The following UPF3B variants were observed in gnomAD, a reference collection of about 807,000 sequenced individuals.
The protein encoded by UPF3B is regulator of nonsense transcripts 3B.
UPF3B carries 7 observed loss-of-function variants against 40.3 expected under a neutral mutation model. The ratio of observed to expected loss-of-function variants is 0.17; its 90% confidence interval spans 0.10 to 0.33. The LOEUF (loss-of-function observed/expected upper bound fraction) is 0.33. Ranked by LOEUF, UPF3B falls within the 10% of genes least tolerant of loss-of-function variation. The pLI, the probability that UPF3B is intolerant of heterozygous loss-of-function variation, is 1.00. For synonymous variants in UPF3B, 117 were observed against 117.3 expected, an observed-to-expected ratio of 1.00 and a Z score of 0.01; for missense variants, 229 against 358.9, an observed-to-expected ratio of 0.64 and a Z score of 2.93.
At chrX:119,812,252 T>TA (rs1192502720) in intron 5 of UPF3B, among the ~76,000 whole-genome samples, 19 of 102,023 alleles carry the variant, frequency 1.9e-4, no homozygotes, top group East Asian at 6.3e-4. Context: ...GACTCTGTCT[T>TA]AAAAAAAAAA....
Position 119,845,354 on chromosome X carries a change from T to C in UPF3B, c.371-58A>G, listed in dbSNP as rs144163112. 4.2e-3 allele frequency: 4,129 copies of C among 989,369 alleles called. 106 individuals are homozygous for C. In the African/African-American group the frequency reaches 0.068, roughly 16 times the overall value. The allele number at this position is 989,369 out of a possible 1,213,427, so 81.5% of individuals were successfully genotyped here. A position where few individuals can be genotyped will look rare whatever the true frequency, so the allele number is the denominator to read the frequency against. ...ACAAAGAAAATGTCAAAAGTGGATA[T>C]AAGGGAATCAACCCATTGCTTTCTA... is the stretch of plus-strand genomic sequence containing the variant. On this transcript the variant is annotated intron_variant, in intron 3 of 10. Transcript: ENST00000276201.
In UPF3B at chrX:119,822,326, A is replaced by G. The variant is rs781575975; in HGVS notation, c.494+616T>C. On this transcript the variant is annotated intron_variant, in intron 4 of 6. Transcript: ENST00000636792. ...TAGATGGGAATAAAGCTTCAAAGCG[A>G]CTCTGCTCCACCAAAATTTAGAAAT... Among the ~76,000 whole-genome samples, 7 of 111,899 alleles carry G rather than the reference A, an allele frequency of 6.3e-5. No homozygotes were observed. The East Asian group carries it at 2.0e-3, about 31-fold the overall frequency.
At chrX:119,817,408 T>G (rs1462525891) in intron 4 of UPF3B, among the ~76,000 whole-genome samples, 3 of 111,816 alleles carry the variant, frequency 2.7e-5, no homozygotes, top group African/African-American at 9.7e-5. Context: ...CTGCCTTGTT[T>G]AAAACCATCA....
intron 9 of UPF3B, 69 bp downstream of exon 9, chrX:119,838,298 A>C: frequency 8.8e-7 from 1 of 1,130,561 alleles, no homozygotes; most frequent in East Asian, 3.0e-5. Context: ...ATTCAGGTAC[A>C]TGTCCAGGAC....
Position 119,824,891 on chromosome X carries a change from C to T in UPF3B, c.393-1848G>A, listed in dbSNP as rs1002128210. On this transcript the variant is annotated intron_variant, in intron 3 of 6. Coordinates refer to the UPF3B transcript ENST00000636792. ...CAGCAATTCTCCTGCCTCAGCCTCTCGAGTAGCTGGGACTACAGGTGTGCA... is the reference window on the plus strand; with the variant it reads ...CAGCAATTCTCCTGCCTCAGCCTCTTGAGTAGCTGGGACTACAGGTGTGCA... 6.5e-5 allele frequency among the ~76,000 whole-genome samples: 7 copies of T among 107,633 alleles called. 1 individual carries two copies. The highest frequency in any genetic ancestry group is 5.1e-4 in the Admixed American group (5 of 9,837). The allele number at this position is 107,633 out of a possible 115,157, so 93.5% of individuals were successfully genotyped here.
Position 119,834,496 on chromosome X carries a change from C to A in UPF3B, c.*382G>T. The A allele has an allele frequency of 1.1e-6, 1 of 878,885 alleles. No homozygotes were observed. The highest frequency in any genetic ancestry group is 3.4e-5 in the South Asian group (1 of 29,740). The allele number at this position is 878,885 out of a possible 1,213,427, so 72.4% of individuals were successfully genotyped here. On this transcript the variant is annotated 3_prime_UTR_variant, in exon 11 of 11. Coordinates refer to ENST00000276201, the MANE Select transcript of UPF3B (RefSeq NM_080632.3). ...AAGGCTTCAAAGCGACTCTGCTCCACCCAAATTCAGAAAATTCAATTCAGG... is the reference window on the plus strand; with the variant it reads ...AAGGCTTCAAAGCGACTCTGCTCCAACCAAATTCAGAAAATTCAATTCAGG...
intron 10 of UPF3B, among the ~76,000 whole-genome samples, chrX:119,837,100 C>T (rs2056104428): frequency 9.3e-6 from 1 of 107,495 alleles, no homozygotes; most frequent in African/African-American, 3.4e-5. Context: ...TGCGCCACCA[C>T]ATCCAGCCGA....
chrX:119,842,846 T>C (rs924996198), intron 5 of UPF3B, among the ~76,000 whole-genome samples: 2 of 111,579 alleles, frequency 1.8e-5, no homozygotes, highest in African/African-American at 6.5e-5. Flanking sequence ...ACTAATTTCA[T>C]TTTTTCGTAT....
At chrX:119,846,970 T>C (rs192029784) in intron 3 of UPF3B, among the ~76,000 whole-genome samples, 56 of 112,510 alleles carry the variant, frequency 5.0e-4, no homozygotes, top group African/African-American at 1.7e-3. Flanking sequence ...GTCAAAAGAC[T>C]TGAATAGACA....
Position 119,810,707 on chromosome X carries a change from TGA to T in UPF3B, c.603-3128_603-3127del, listed in dbSNP as rs758411057. ...ACGCCTCTCATCAAACGGGAAATTT[TGA>T]GAGAGTTTCAATGGGAAACCAGTAG... On this transcript the variant is annotated intron_variant, in intron 5 of 6. Transcript: ENST00000636792. Among the ~76,000 whole-genome samples the T allele has an allele frequency of 6.3e-5, 7 of 111,731 alleles. No homozygotes were observed. In the South Asian group the frequency reaches 1.1e-3, roughly 18 times the overall value.
intron 1 of UPF3B, among the ~76,000 whole-genome samples, chrX:119,852,379 C>G (rs966340687): frequency 8.9e-6 from 1 of 112,175 alleles, no homozygotes; most frequent in South Asian, 3.6e-4. Flanking sequence ...CCCTCCTGTA[C>G]CATTAATCAC....
At chrX:119,836,347 T>C (rs2056091545) in intron 10 of UPF3B, among the ~76,000 whole-genome samples, 1 of 111,298 alleles carries the variant, frequency 9.0e-6, no homozygotes, top group South Asian at 3.8e-4. Flanking sequence ...AGAGCGAGAC[T>C]CCATCGCAAA....
intron 3 of UPF3B, among the ~76,000 whole-genome samples, chrX:119,823,844 A>G (rs1039705481): frequency 9.0e-6 from 1 of 111,661 alleles, no homozygotes; most frequent in Admixed American, 9.6e-5. Flanking sequence ...GATTATAGGC[A>G]TGAGCCACCA....
chrX:119,848,385 G>A (rs974961853), intron 3 of UPF3B, among the ~76,000 whole-genome samples: 1 of 108,818 alleles, frequency 9.2e-6, no homozygotes, highest in African/African-American at 3.4e-5. Context: ...GACAGACACT[G>A]TATGTTTCCA....
intron 9 of UPF3B, 138 bp downstream of exon 9, chrX:119,838,229 A>T: frequency 2.2e-6 from 2 of 914,550 alleles, no homozygotes; most frequent in Non-Finnish European, 3.1e-6. Flanking sequence ...TTAAGATACA[A>T]GAATATTCTG....
chrX:119,830,122 A>G (rs1467988722), downstream of UPF3B, among the ~76,000 whole-genome samples: 1 of 111,915 alleles, frequency 8.9e-6, no homozygotes, highest in African/African-American at 3.2e-5. Context: ...TAGAAAGTAA[A>G]GGCAAAGTGA....
chrX:119,848,281 CAA>C (rs144679153), intron 3 of UPF3B, among the ~76,000 whole-genome samples: 1 of 23,935 alleles, frequency 4.2e-5, no homozygotes, highest in Non-Finnish European at 8.1e-5. Context: ...GACTCCATCT[CAA>C]AAAAAAAAAA....
intron 4 of UPF3B, among the ~76,000 whole-genome samples, chrX:119,843,753 T>C (rs1418843591): frequency 8.9e-6 from 1 of 112,473 alleles, no homozygotes; most frequent in Non-Finnish European, 1.9e-5. Flanking sequence ...CTTGTTTCTA[T>C]GTGTCACTTG....
chrX:119,852,668 T>C (rs908580009), intron 1 of UPF3B, 105 bp downstream of exon 1: 9 of 1,128,862 alleles, frequency 8.0e-6, no homozygotes, highest in Admixed American at 6.6e-5. Flanking sequence ...GGCGAAGAGA[T>C]AGAAGGAGAA....
Sources: gnomAD v4.1 joint callset for allele counts (sites outside exome capture counted in the v4.1 genomes callset) on GRCh38, gnomAD v4.1.1 for gene constraint, MANE v1.5 for transcripts, NCBI Gene and HGNC (gene_info 2026-07-23, HGNC 2026-07-21) for gene names.